The following DUSP16 variants were observed in gnomAD, a reference collection of about 807,000 sequenced individuals.
The protein encoded by DUSP16 is dual specificity protein phosphatase 16.
In DUSP16, 21 loss-of-function variants were observed where a neutral mutation model predicts 58.3. The observed-to-expected ratio is 0.36, with a 90% CI of 0.26 to 0.52. The LOEUF is 0.52. Among genes scored for constraint, DUSP16 ranks in the 20% least tolerant of loss-of-function variants. The probability of loss-of-function intolerance (pLI) is 0.94; values close to 1 mark genes in which losing one functional copy is unlikely to be tolerated. For synonymous variants in DUSP16, 320 were observed against 323.8 expected, an observed-to-expected ratio of 0.99 and a Z score of 0.12; for missense variants, 726 against 819.0, an observed-to-expected ratio of 0.89 and a Z score of 1.39.
intron 4 of DUSP16, among the ~76,000 whole-genome samples, chr12:12,488,219 C>CCCTG (rs1249303877): frequency 6.6e-6 from 1 of 151,980 alleles, no homozygotes; most frequent in Non-Finnish European, 1.5e-5. Context: ...GCTTAGAAGG[C>CCCTG]CCTGTCCTTC....
rs372330415 is a variant in DUSP16 at position 12,520,932 on chromosome 12, C to G, written c.167G>C (p.Arg56Pro). 6.8e-6 allele frequency: 11 copies of G among 1,614,216 alleles called. No individual in the cohort carries two copies. The highest frequency in any genetic ancestry group is 9.3e-6 in the Non-Finnish European group (11 of 1,180,036). Residue 56 changes from arginine to proline, a missense_variant, in exon 2 of 7, where the codon CGA becomes CCA. Physicochemically the swap from Arg to Pro is moderately radical, Grantham distance 103. Coordinates refer to ENST00000298573, the MANE Select transcript of DUSP16 (RefSeq NM_030640.3). ...TAACACTTTGTCCTGTTGCAACCTT[C>G]GCTTCATAAGCTTGGAGCAGTTGAT... ...ININCSKLMKRRLQQDKVLIT... is the reference protein window; with the variant it reads ...ININCSKLMKPRLQQDKVLIT...
chr12:12,478,014 A>AT lies in DUSP16; in HGVS notation c.816dup (p.Phe273IlefsTer23). ...ATAGTAGGTCTTTTTTCTTTCACAA[A>AT]TCTGCAGAGAGAGGAAAAAACAAAA... is the stretch of plus-strand genomic sequence containing the variant. On this transcript the variant is annotated frameshift_variant and splice_region_variant, in exon 7 of 7. Transcript: ENST00000298573. LOFTEE classifies it high-confidence loss of function. 6.4e-7 allele frequency: 1 copy of AT among 1,565,906 alleles called. No homozygotes were observed. The highest frequency in any genetic ancestry group is 8.6e-7 in the Non-Finnish European group (1 of 1,157,178).
chr12:12,549,961 C>A (rs895888883), intron 1 of DUSP16, among the ~76,000 whole-genome samples: 2 of 152,148 alleles, frequency 1.3e-5, no homozygotes, highest in Non-Finnish European at 2.9e-5. Flanking sequence ...CTGACAAATT[C>A]ATCAACTAAG....
In DUSP16 at chr12:12,562,157, G is replaced by A. The variant is rs1172252137; in HGVS notation, c.-406C>T. 1.3e-5 allele frequency: 2 copies of A among 151,894 alleles called. No homozygotes were observed. The highest frequency in any genetic ancestry group is 4.8e-5 in the African/African-American group (2 of 41,414). The allele number at this position is 151,894 out of a possible 1,614,324, so 9.4% of individuals were successfully genotyped here. A position where few individuals can be genotyped will look rare whatever the true frequency, so the allele number is the denominator to read the frequency against. On this transcript the variant is annotated 5_prime_UTR_variant, in exon 1 of 7. Transcript: ENST00000298573. ...CCTCCCAATTCCCTCAGAGGGAAAC[G>A]AAAGTTGTCACGGCGTCTCCCCTCG...
chr12:12,545,078 A>G (rs886391064), intron 1 of DUSP16, among the ~76,000 whole-genome samples: 2 of 152,184 alleles, frequency 1.3e-5, no homozygotes, highest in African/African-American at 2.4e-5. Flanking sequence ...GCACTGCCAT[A>G]TGAATTTTAG....
intron 3 of DUSP16, among the ~76,000 whole-genome samples, chr12:12,512,380 G>A (rs4354775): frequency 1 from 152,258 of 152,276 alleles, 76,120 homozygotes; most frequent in Non-Finnish European, 1. Context: ...GAAGTATATG[G>A]TACGTTTATT....
chr12:12,536,655 G>T (rs142780126), intron 1 of DUSP16, among the ~76,000 whole-genome samples: 248 of 151,188 alleles, frequency 1.6e-3, no homozygotes, highest in African/African-American at 5.7e-3. Flanking sequence ...TGAGGCAAGA[G>T]AATTACTTAA....
At chr12:12,519,714 A>G (rs1944201542) in intron 3 of DUSP16, 148 bp downstream of exon 3, 1 of 783,968 alleles carries the variant, frequency 1.3e-6, no homozygotes, top group African/African-American at 1.7e-5. Context: ...CAAGTTAAAT[A>G]GAACGGTGAC....
intron 6 of DUSP16, among the ~76,000 whole-genome samples, chr12:12,478,749 C>T (rs1297925753): frequency 6.6e-6 from 1 of 152,206 alleles, no homozygotes; most frequent in African/African-American, 2.4e-5. Flanking sequence ...AATGTCATCC[C>T]CTCTTAAAGT....
At chr12:12,529,980 T>C (rs375040211) in intron 1 of DUSP16, among the ~76,000 whole-genome samples, 165 of 152,374 alleles carry the variant, frequency 1.1e-3, no homozygotes, top group African/African-American at 3.7e-3. Context: ...CTATTGTAAA[T>C]AGCACTGCAA....
intron 1 of DUSP16, among the ~76,000 whole-genome samples, chr12:12,522,890 GTTTA>G: frequency 6.6e-6 from 1 of 152,196 alleles, no homozygotes; most frequent in African/African-American, 2.4e-5. Context: ...GATTGCAAAA[GTTTA>G]TTATATTTCT....
intron 4 of DUSP16, among the ~76,000 whole-genome samples, chr12:12,495,786 C>G (rs573570871): frequency 6.6e-6 from 1 of 152,148 alleles, no homozygotes; most frequent in African/African-American, 2.4e-5. Flanking sequence ...TTTGCCCATC[C>G]ATTTGCCTTC....
intron 1 of DUSP16, among the ~76,000 whole-genome samples, chr12:12,546,681 T>G (rs180792102): frequency 5.3e-5 from 8 of 152,350 alleles, no homozygotes; most frequent in Admixed American, 2.0e-4. Flanking sequence ...CAACATCTCA[T>G]GCATTCTGAG....
intron 1 of DUSP16, among the ~76,000 whole-genome samples, chr12:12,552,824 A>C (rs1944750876): frequency 6.6e-6 from 1 of 152,072 alleles, no homozygotes; most frequent in South Asian, 2.1e-4. Flanking sequence ...TCTGTCGCCC[A>C]GGCTGGAGTG....
intron 1 of DUSP16, among the ~76,000 whole-genome samples, chr12:12,529,613 T>G (rs1944356759): frequency 1.3e-5 from 2 of 152,220 alleles, no homozygotes; most frequent in Non-Finnish European, 1.5e-5. Flanking sequence ...GTGGTCACCA[T>G]GCTGTACAAT....
intron 1 of DUSP16, among the ~76,000 whole-genome samples, chr12:12,525,733 C>T (rs113832036): frequency 2.9e-4 from 24 of 81,604 alleles, no homozygotes; most frequent in Non-Finnish European, 4.0e-4. Context: ...TATATGTATA[C>T]ACACACACAC....
chr12:12,517,916 T>G (rs77471986), intron 3 of DUSP16, among the ~76,000 whole-genome samples: 9,707 of 152,166 alleles, frequency 0.064, 440 homozygotes, highest in East Asian at 0.18. Context: ...GTCCCTAGAG[T>G]TGACATAGCT....
At chr12:12,480,410 T>G in intron 5 of DUSP16, 64 bp from the exon 6 acceptor site, 2 of 1,575,066 alleles carry the variant, frequency 1.3e-6, no homozygotes, top group African/African-American at 2.7e-5. Flanking sequence ...AAATCTTGTT[T>G]CCATTTACTT....
At chr12:12,559,076 A>C (rs969452350) in intron 1 of DUSP16, among the ~76,000 whole-genome samples, 1 of 152,188 alleles carries the variant, frequency 6.6e-6, no homozygotes, top group African/African-American at 2.4e-5. Flanking sequence ...ACCTCTCTTC[A>C]CACAGCCAAC....
Sources: allele counts gnomAD v4.1 joint callset (sites outside exome capture counted in the v4.1 genomes callset), GRCh38; gene constraint gnomAD v4.1.1; transcripts MANE v1.5; gene names NCBI Gene and HGNC (gene_info 2026-07-23, HGNC 2026-07-21).